Variants in PKNOX2 observed in about 807,000 individuals in gnomAD.
The protein encoded by PKNOX2 is PBX/knotted 1 homeobox 2.
PKNOX2 carries 14 observed loss-of-function variants against 53.1 expected under a neutral mutation model. That is an observed-to-expected ratio of 0.26 (90% CI 0.17 to 0.41). PKNOX2 has a LOEUF of 0.41. Ranked by LOEUF, PKNOX2 falls within the 10% of genes least tolerant of loss-of-function variation. PKNOX2 has a pLI of 1.00. For synonymous variants in PKNOX2, 257 were observed against 242.8 expected, an observed-to-expected ratio of 1.06 and a Z score of -0.54; for missense variants, 496 against 602.8, an observed-to-expected ratio of 0.82 and a Z score of 1.85.
At chr11:125,243,107 C>T (rs991392087) in intron 2 of PKNOX2, among the ~76,000 whole-genome samples, 2 of 152,184 alleles carry the variant, frequency 1.3e-5, no homozygotes, top group African/African-American at 2.4e-5. Flanking sequence ...TAAAGCACTG[C>T]ACAAATATAA....
intron 1 of PKNOX2, among the ~76,000 whole-genome samples, chr11:125,170,056 C>T (rs11600802): frequency 0.22 from 33,295 of 152,176 alleles, 3,945 homozygotes; most frequent in Non-Finnish European, 0.27. Flanking sequence ...TGAGCCCTGA[C>T]TGGTGTGTGT....
intron 6 of PKNOX2, among the ~76,000 whole-genome samples, chr11:125,389,279 A>T (rs528752904): frequency 6.6e-6 from 1 of 152,198 alleles, no homozygotes; most frequent in Admixed American, 6.5e-5. Context: ...AGTTCACAGA[A>T]GGAAGTGACT....
At chr11:125,373,662 C>G (rs1952676005) in intron 5 of PKNOX2, among the ~76,000 whole-genome samples, 1 of 152,194 alleles carries the variant, frequency 6.6e-6, no homozygotes, top group African/African-American at 2.4e-5. Flanking sequence ...AGAGGCAGGG[C>G]TGCCAAAGGT....
intron 5 of PKNOX2, among the ~76,000 whole-genome samples, chr11:125,375,268 A>G (rs1952770066): frequency 6.6e-6 from 1 of 152,198 alleles, no homozygotes; most frequent in South Asian, 2.1e-4. Context: ...TATTATTACA[A>G]GAGGAGGTTC....
At chr11:125,293,824 C>T (rs938809780) in intron 2 of PKNOX2, among the ~76,000 whole-genome samples, 3 of 152,014 alleles carry the variant, frequency 2.0e-5, no homozygotes, top group Non-Finnish European at 4.4e-5. Context: ...CACACACACT[C>T]ACTCACACTC....
At chr11:125,191,415 A>G (rs1298638370) in intron 1 of PKNOX2, 1 of 152,288 alleles carries the variant, frequency 6.6e-6, no homozygotes, top group African/African-American at 2.4e-5. Flanking sequence ...GGAGTGGAGC[A>G]CAGCCTCAGC....
At chr11:125,187,196 GC>G (rs1367170366) in intron 1 of PKNOX2, among the ~76,000 whole-genome samples, 1 of 151,728 alleles carries the variant, frequency 6.6e-6, no homozygotes, top group East Asian at 1.9e-4. Flanking sequence ...GCTATTCAGG[GC>G]CCCTTGCAAT....
chr11:125,411,277 G>T (rs1486427022), intron 9 of PKNOX2: 1 of 307,836 alleles, frequency 3.2e-6, no homozygotes, highest in African/African-American at 2.2e-5. Context: ...ATAAAAGGGG[G>T]ATTAATAGCA....
At position 125,240,042 on chromosome 11, in the gene PKNOX2, GC is replaced by G. The variant is rs1185306210; in HGVS notation, c.-130+4928del. The G allele has an allele frequency of 7.2e-5, 11 of 152,350 alleles. No individual in the cohort carries two copies. The East Asian group carries it at 1.7e-3, about 24-fold the overall frequency. The allele number at this position is 152,350 out of a possible 1,614,324, so 9.4% of individuals were successfully genotyped here. A position where few individuals can be genotyped will look rare whatever the true frequency, so the allele number is the denominator to read the frequency against. On this transcript the variant is annotated intron_variant, in intron 2 of 12. Coordinates refer to ENST00000298282, the MANE Select transcript of PKNOX2 (RefSeq NM_001382323.2). This position sits in a 1 kb window ranked among gnomAD's most constrained non-coding sequence, Gnocchi z 4.3. ...GCTAGGAGATTGCAATTTACATTATGCAAATAGACGTTATGCAATCAAGGCA... is the reference window on the plus strand; with the variant it reads ...GCTAGGAGATTGCAATTTACATTATGAAATAGACGTTATGCAATCAAGGCA...
chr11:125,219,237 CA>C (rs1940874089), intron 1 of PKNOX2, among the ~76,000 whole-genome samples: 1 of 151,912 alleles, frequency 6.6e-6, no homozygotes, highest in South Asian at 2.1e-4. Flanking sequence ...AGTTCCAGAC[CA>C]GCCTGGCTAA....
chr11:125,252,104 G>A lies in PKNOX2; in HGVS notation c.-130+16989G>A, dbSNP rs563035625. Among the ~76,000 whole-genome samples, 187 of 152,302 alleles carry A rather than the reference G, an allele frequency of 1.2e-3. 1 individual carries two copies. Among genetic ancestry groups the A allele is most frequent in the African/African-American group, 4.3e-3 (178 of 41,562 alleles). Reference sequence around the variant, plus strand: ...GGCAAGGCCACAGCGCTCGTCAAGCGGTGAAGAGGGCACTTTGTGAAACCT... The same window carrying A: ...GGCAAGGCCACAGCGCTCGTCAAGCAGTGAAGAGGGCACTTTGTGAAACCT... On this transcript the variant is annotated intron_variant, in intron 2 of 12. Transcript: ENST00000298282.
intron 4 of PKNOX2, among the ~76,000 whole-genome samples, chr11:125,354,849 AT>A (rs1951515604): frequency 1.3e-5 from 2 of 151,914 alleles, no homozygotes; most frequent in South Asian, 4.1e-4. Context: ...AAGTGATACG[AT>A]GGCTAAGCGG....
At position 125,429,977 on chromosome 11, in the gene PKNOX2, G is replaced by A. The variant is rs1956618234; in HGVS notation, c.1028G>A (p.Arg343Gln). 4 of 1,613,972 alleles carry A rather than the reference G, an allele frequency of 2.5e-6. No individual in the cohort carries two copies. The highest frequency in any genetic ancestry group is 3.4e-6 in the Non-Finnish European group (4 of 1,179,926). ...CCTCTGGGCAGGTTCATCAATGCCC[G>A]GAGGCGCATCCTGCAGCCCATGCTT... ...LQVNNWFINA[R>Q]RRILQPMLDA... The change falls in exon 12 of 13, where the codon CGG becomes CAG. Residue 343 changes from arginine to glutamine, a missense_variant. Physicochemically the swap from Arg to Gln is conservative, Grantham distance 43. Transcript: ENST00000298282.
At chr11:125,169,388 G>A (rs1955120227) in intron 1 of PKNOX2, among the ~76,000 whole-genome samples, 1 of 152,160 alleles carries the variant, frequency 6.6e-6, no homozygotes, top group Non-Finnish European at 1.5e-5. Flanking sequence ...CAGGCAGCAT[G>A]GCCAGGATTG....
At chr11:125,270,624 G>GA (rs888917208) in intron 2 of PKNOX2, among the ~76,000 whole-genome samples, 2 of 151,810 alleles carry the variant, frequency 1.3e-5, no homozygotes, top group Non-Finnish European at 2.9e-5. Flanking sequence ...TAATACACTC[G>GA]AAAAAAAATT....
intron 4 of PKNOX2, among the ~76,000 whole-genome samples, chr11:125,357,925 C>A (rs1951706050): frequency 6.6e-6 from 1 of 152,178 alleles, no homozygotes. Context: ...GTCCTGTGGG[C>A]CATGCGGACA....
intron 3 of PKNOX2, among the ~76,000 whole-genome samples, chr11:125,349,836 A>AACACACACAC (rs1951199693): frequency 1.1e-5 from 1 of 88,784 alleles, no homozygotes; most frequent in African/African-American, 3.9e-5. Context: ...AACCAAAAGA[A>AACACACACAC]TCACACACAC....
At chr11:125,424,633 G>T (rs74916501) in intron 10 of PKNOX2, among the ~76,000 whole-genome samples, 1,659 of 152,304 alleles carry the variant, frequency 0.011, 50 homozygotes, top group East Asian at 0.093. Context: ...ATCTGAATCA[G>T]CCTCCATGCC....
intron 1 of PKNOX2, among the ~76,000 whole-genome samples, chr11:125,211,303 G>A (rs1157859953): frequency 6.6e-6 from 1 of 152,106 alleles, no homozygotes. Flanking sequence ...GAGAGAGAAG[G>A]ATGTATTTTT....
Sources: allele counts gnomAD v4.1 joint callset (sites outside exome capture counted in the v4.1 genomes callset), GRCh38; gene constraint gnomAD v4.1.1; non-coding constraint Gnocchi (gnomAD v3.1); transcripts MANE v1.5; gene names NCBI Gene and HGNC (gene_info 2026-07-23, HGNC 2026-07-21).